Variants in CLN5 observed in about 807,000 individuals in gnomAD.
The protein encoded by CLN5 is CLN5 lysosomal BMP synthase.
A neutral mutation model predicts 36.7 loss-of-function variants in CLN5; 34 were observed. That is an observed-to-expected ratio of 0.93 (90% CI 0.71 to 1.23). CLN5 has a LOEUF of 1.23. Among genes scored for constraint, CLN5 ranks in the 50% most tolerant of loss-of-function variants. CLN5 has a pLI of 0.00. For missense variants in CLN5, 427 were observed against 439.4 expected (o/e 0.97, Z 0.25); for synonymous variants, 151 against 155.1 (o/e 0.97, Z 0.20).
rs1296197824 is a variant in CLN5 at position 77,003,676 on chromosome 13, C to T, written c.*2707C>T. 2 of 152,200 alleles carry T rather than the reference C, an allele frequency of 1.3e-5. No individual in the cohort carries two copies. The highest frequency in any genetic ancestry group is 2.9e-5 in the Non-Finnish European group (2 of 68,042). The allele number at this position is 152,200 out of a possible 1,614,324, so 9.4% of individuals were successfully genotyped here. On this transcript the variant is annotated 3_prime_UTR_variant, in exon 4 of 4. Coordinates refer to ENST00000377453, the MANE Select transcript of CLN5 (RefSeq NM_006493.4). Reference sequence around the variant, plus strand: ...TATAGATGTAGGCTGGGTGCGGTGGCTTATGCCTGTAATCCTAACACATAC... The same window carrying T: ...TATAGATGTAGGCTGGGTGCGGTGGTTTATGCCTGTAATCCTAACACATAC...
chr13:77,000,383 TAAAAA>T (rs58476086), intron 3 of CLN5, 70 bp from the exon 4 acceptor site: 22 of 1,178,594 alleles, frequency 1.9e-5, no homozygotes, highest in Middle Eastern at 2.7e-4. Context: ...AGACCTGTCT[TAAAAA>T]AAAAAAAAAA....
chr13:77,000,377 C>G lies in CLN5; in HGVS notation c.566-81C>G. 4 of 1,262,278 alleles carry G rather than the reference C, an allele frequency of 3.2e-6. No individual in the cohort carries two copies. The South Asian group carries it at 5.9e-5, about 19-fold the overall frequency. The allele number at this position is 1,262,278 out of a possible 1,614,324, so 78.2% of individuals were successfully genotyped here. ...TCTAGCCTCGGCAACAGAGGGAGAC[C>G]TGTCTTAAAAAAAAAAAAAAAAAAA... On this transcript the variant is annotated intron_variant, in intron 3 of 3. Coordinates refer to ENST00000377453, the MANE Select transcript of CLN5 (RefSeq NM_006493.4).
chr13:76,995,431 T>C (rs1044201172), intron 2 of CLN5: 5 of 600,650 alleles, frequency 8.3e-6, no homozygotes, highest in East Asian at 2.9e-5. Context: ...CCATTATCCA[T>C]TGTAATATTA....
rs2154034733 is a variant in CLN5 at position 76,996,024 on chromosome 13, T to C, written c.462T>C (p.Asp154=). Reference sequence around the variant, plus strand: ...TTCCCCATCTCCGACCTGAAATGGATGCCCCTTTCTGGTGTAATCAAGGCG... The same window carrying C: ...TTCCCCATCTCCGACCTGAAATGGACGCCCCTTTCTGGTGTAATCAAGGCG... The part of the protein sequence containing the change: ...CTFPHLRPEM[D]APFWCNQGAA... Residue 154 remains aspartate (D), a synonymous_variant, in exon 3 of 4, where the codon GAT becomes GAC. Coordinates refer to ENST00000377453, the MANE Select transcript of CLN5 (RefSeq NM_006493.4). 1 of 1,614,132 alleles carries C rather than the reference T, an allele frequency of 6.2e-7. No homozygotes were observed. The highest frequency in any genetic ancestry group is 8.5e-7 in the Non-Finnish European group (1 of 1,179,976).
intron 3 of CLN5, chr13:76,997,991 TTCA>T (rs1175855714): frequency 6.6e-6 from 1 of 152,296 alleles, no homozygotes; most frequent in East Asian, 1.9e-4. Context: ...CATCACATCA[TTCA>T]TCATCACAAC....
chr13:77,000,343 C>T (rs2034336255), intron 3 of CLN5, 115 bp from the exon 4 acceptor site: 5 of 943,718 alleles, frequency 5.3e-6, no homozygotes, highest in African/African-American at 1.7e-5. Context: ...TGTGATGTTA[C>T]CACCGCACTC....
rs948389647 is a variant in CLN5, at chr13:77,002,140, T to G, written c.*1171T>G. ...TTAATATGTAAATGTACCAATTATGTGATTCAGTTTCAACTTTCAAGTACT... is the reference window on the plus strand; with the variant it reads ...TTAATATGTAAATGTACCAATTATGGGATTCAGTTTCAACTTTCAAGTACT... On this transcript the variant is annotated 3_prime_UTR_variant, in exon 4 of 4. Transcript: ENST00000377453. The G allele has an allele frequency of 8.5e-5, 13 of 152,256 alleles. No homozygotes were observed. The highest frequency in any genetic ancestry group is 1.9e-4 in the Non-Finnish European group (13 of 68,048). 9.4% of individuals were successfully genotyped at this position (152,256 alleles called of 1,614,324 possible).
At chr13:76,997,394 C>T (rs892159820) in intron 3 of CLN5, 7 of 152,258 alleles carry the variant, frequency 4.6e-5, no homozygotes, top group African/African-American at 1.7e-4. Context: ...CATCTGCCCA[C>T]CTTGGCCTCC....
chr13:76,995,268 A>G (rs965174436), intron 2 of CLN5, 40 bp downstream of exon 2: 10 of 1,579,172 alleles, frequency 6.3e-6, no homozygotes, highest in East Asian at 4.5e-5. Context: ...GGTTAATTCA[A>G]TGATTTGGTT....
chr13:77,000,382 T>TA, intron 3 of CLN5, 76 bp from the exon 4 acceptor site: 1 of 1,173,206 alleles, frequency 8.5e-7, no homozygotes. Context: ...GAGACCTGTC[T>TA]TAAAAAAAAA....
Position 77,004,652 on chromosome 13 carries a change from G to A in CLN5, c.*3683G>A, listed in dbSNP as rs1237493970. On this transcript the variant is annotated 3_prime_UTR_variant, in exon 4 of 4. Coordinates refer to ENST00000377453, the MANE Select transcript of CLN5 (RefSeq NM_006493.4). ...AAGCTCATTACTATCTATGTGTGGG[G>A]TAGAAATTATAGTGTGTTAAAGGAC... 1 of 152,046 alleles carries A rather than the reference G, an allele frequency of 6.6e-6. No individual in the cohort carries two copies. The highest frequency in any genetic ancestry group is 1.5e-5 in the Non-Finnish European group (1 of 68,014). 9.4% of individuals were successfully genotyped at this position (152,046 alleles called of 1,614,324 possible).
chr13:76,999,315 T>G (rs563412266), intron 3 of CLN5: 6 of 152,344 alleles, frequency 3.9e-5, no homozygotes, highest in African/African-American at 1.4e-4. Context: ...CCCAGTTCTA[T>G]TAGGCATTAT....
intron 1 of CLN5, 47 bp downstream of exon 1, chr13:76,992,318 C>A: frequency 7.2e-7 from 1 of 1,382,832 alleles, no homozygotes; most frequent in Non-Finnish European, 9.7e-7. Context: ...TCGGCGTTGA[C>A]GATGGGGGAT....
chr13:77,000,425 A>G, intron 3 of CLN5, 33 bp from the exon 4 acceptor site: 2 of 1,594,078 alleles, frequency 1.3e-6, no homozygotes, highest in Non-Finnish European at 1.7e-6. Context: ...AGCTTTGTTC[A>G]CTAGGTGACT....
chr13:76,995,262 A>G, intron 2 of CLN5, 34 bp downstream of exon 2: 1 of 1,594,520 alleles, frequency 6.3e-7, no homozygotes, highest in Non-Finnish European at 8.6e-7. Flanking sequence ...AACTTTGGTT[A>G]ATTCAATGAT....
rs1329199857 is a variant in CLN5, at chr13:77,004,212, G to A, written c.*3243G>A. 2 of 152,164 alleles carry A rather than the reference G, an allele frequency of 1.3e-5. No homozygotes were observed. The highest frequency in any genetic ancestry group is 1.5e-5 in the Non-Finnish European group (1 of 68,032). 9.4% of individuals were successfully genotyped at this position (152,164 alleles called of 1,614,324 possible). A position where few individuals can be genotyped will look rare whatever the true frequency, so the allele number is the denominator to read the frequency against. ...TTATCCAGTTTTATGGTCTGCTGTG[G>A]TGGCACTTAATGAATTACCTGGAAT... On this transcript the variant is annotated 3_prime_UTR_variant, in exon 4 of 4. Transcript: ENST00000377453.
intron 1 of CLN5, chr13:76,992,527 C>A: frequency 1.9e-6 from 1 of 533,930 alleles, no homozygotes; most frequent in South Asian, 2.5e-5. Context: ...AGTCCTGAAT[C>A]GTGGAAGAAG....
At chr13:77,000,199 G>A (rs2034334149) in intron 3 of CLN5, 3 of 239,624 alleles carry the variant, frequency 1.3e-5, no homozygotes, top group Non-Finnish European at 2.4e-5. Flanking sequence ...GTGTTGCCCA[G>A]GCTGGTCTCA....
At chr13:76,999,979 C>T (rs1216804181) in intron 3 of CLN5, 1 of 152,098 alleles carries the variant, frequency 6.6e-6, no homozygotes, top group Non-Finnish European at 1.5e-5. Flanking sequence ...AGCTTGGATT[C>T]CTGTTGTGAA....
Sources: allele counts gnomAD v4.1 joint callset, GRCh38; gene constraint gnomAD v4.1.1; transcripts MANE v1.5; gene names NCBI Gene and HGNC (gene_info 2026-07-23, HGNC 2026-07-21).